The following CCDC77 variants were observed in gnomAD, a reference collection of about 807,000 sequenced individuals.
CCDC77 encodes the protein coiled-coil domain containing 77.
Under a neutral mutation model 66.8 loss-of-function variants are expected in CCDC77, and 56 were observed. That is an observed-to-expected ratio of 0.84 (90% CI 0.68 to 1.05). The LOEUF is 1.05. Among genes scored for constraint, CCDC77 ranks in the 50% least tolerant of loss-of-function variants. The pLI is 0.00. For synonymous variants in CCDC77, 196 were observed against 195.2 expected, an observed-to-expected ratio of 1.00 and a Z score of -0.03; for missense variants, 570 against 576.8, an observed-to-expected ratio of 0.99 and a Z score of 0.12.
chr12:438,949 G>A (rs111859774), intron 10 of CCDC77, among the ~76,000 whole-genome samples: 1 of 151,776 alleles, frequency 6.6e-6, no homozygotes, highest in East Asian at 1.9e-4. Context: ...ATGATGGTGG[G>A]TGCCTGTAAT....
chr12:426,469 CT>C (rs1022960306), intron 5 of CCDC77, among the ~76,000 whole-genome samples: 1 of 152,166 alleles, frequency 6.6e-6, no homozygotes, highest in African/African-American at 2.4e-5. Context: ...TGAAATGAGG[CT>C]TTCATAAGGA....
Position 441,993 on chromosome 12 carries a change from G to A in CCDC77, c.*73G>A. 1 of 1,518,370 alleles carries A rather than the reference G, an allele frequency of 6.6e-7. No individual in the cohort carries two copies. The highest frequency in any genetic ancestry group is 9.1e-7 in the Non-Finnish European group (1 of 1,102,078). 94.1% of individuals were successfully genotyped at this position (1,518,370 alleles called of 1,614,324 possible). On this transcript the variant is annotated 3_prime_UTR_variant, in exon 13 of 13. Coordinates refer to ENST00000239830, the MANE Select transcript of CCDC77 (RefSeq NM_032358.4). ...AAACCTGAGGACAAGGTCATCTGCT[G>A]CCAGAAAATGTAAACCTGAGTTGAC...
At chr12:429,340 A>G (rs1404960683) in intron 6 of CCDC77, among the ~76,000 whole-genome samples, 1 of 152,124 alleles carries the variant, frequency 6.6e-6, no homozygotes, top group Non-Finnish European at 1.5e-5. Context: ...ATTCCTATAG[A>G]AATAGTTATG....
upstream of CCDC77, among the ~76,000 whole-genome samples, chr12:397,179 C>A (rs1944839092): frequency 6.6e-6 from 1 of 152,106 alleles, no homozygotes; most frequent in Non-Finnish European, 1.5e-5. Context: ...CAAGACCAGC[C>A]TGGACAAAAA....
chr12:427,017 C>T (rs536324188), intron 5 of CCDC77, among the ~76,000 whole-genome samples: 32 of 152,154 alleles, frequency 2.1e-4, no homozygotes, highest in African/African-American at 3.9e-4. Context: ...GTGGCTGAGG[C>T]GGGCAGATCA....
rs973275456 is a variant in CCDC77, at chr12:415,302, C to T, written c.271-3192C>T. Among the ~76,000 whole-genome samples the T allele has an allele frequency of 9.5e-5, 12 of 125,954 alleles. 1 individual carries two copies. Among genetic ancestry groups the T allele is most frequent in the Non-Finnish European group, 1.8e-4 (11 of 61,160 alleles). 82.6% of individuals were successfully genotyped at this position (125,954 alleles called of 152,430 possible). Reference sequence around the variant, plus strand: ...CATAATATTATGTTAATATAATCAACATAATATTATGTTAATATAATCAAC... The same window carrying T: ...CATAATATTATGTTAATATAATCAATATAATATTATGTTAATATAATCAAC... On this transcript the variant is annotated intron_variant, in intron 4 of 12. Transcript: ENST00000239830.
chr12:415,389 TTAATATAATCAACATAATATGTTGA>T (rs1253679667), intron 4 of CCDC77, among the ~76,000 whole-genome samples: 8 of 91,712 alleles, frequency 8.7e-5, no homozygotes, highest in South Asian at 8.4e-4. Flanking sequence ...TAATATTATG[TTAATATAATCAACATAATATGTTGA>T]TATTATTAAC....
Position 438,474 on chromosome 12 carries a change from T to C in CCDC77, c.961T>C (p.Cys321Arg). The change falls in exon 10 of 13, where the codon TGT becomes CGT. Residue 321 changes from cysteine (C) to arginine (R), a missense_variant. Coordinates refer to ENST00000239830, the MANE Select transcript of CCDC77 (RefSeq NM_032358.4). ...MSKIKQYRVQ[C>R]KKKEDKIGKV... ...AAAGATTAAGCAATATAGGGTGCAG[T>C]GTAAGAAGAAAGAAGATAAAATTGG... The C allele has an allele frequency of 1.9e-6, 3 of 1,613,946 alleles. No individual in the cohort carries two copies. The highest frequency in any genetic ancestry group is 2.5e-6 in the Non-Finnish European group (3 of 1,179,910).
intron 5 of CCDC77, 97 bp from the exon 6 acceptor site, chr12:428,672 T>C (rs1270200970): frequency 4.5e-6 from 3 of 668,984 alleles, no homozygotes; most frequent in Non-Finnish European, 4.6e-6. Context: ...GTTACAATTG[T>C]TTTAAAAAAA....
intron 3 of CCDC77, among the ~76,000 whole-genome samples, chr12:410,619 G>A (rs1028553519): frequency 6.8e-6 from 1 of 146,394 alleles, no homozygotes; most frequent in African/African-American, 2.5e-5. Context: ...GCGTGATCTC[G>A]GCACTTGAAC....
Position 411,901 on chromosome 12 carries a change from A to T in CCDC77, c.193A>T (p.Lys65Ter), listed in dbSNP as rs1476412226. The change falls in exon 4 of 13, where the codon AAG becomes TAG. Residue 65 changes from lysine to a stop codon, truncating the protein, a stop_gained. Transcript: ENST00000239830. LOFTEE classifies it high-confidence loss of function. Reference sequence around the variant, plus strand: ...GGAGCTCCTGGAATATTATCAAAAGAAGATGGCTGAGTGTGAGGCAGAAAA... The same window carrying T: ...GGAGCTCCTGGAATATTATCAAAAGTAGATGGCTGAGTGTGAGGCAGAAAA... ...SKELLEYYQK[K>*]MAECEAENED... 4 of 1,614,078 alleles carry T rather than the reference A, an allele frequency of 2.5e-6. No homozygotes were observed. The highest frequency in any genetic ancestry group is 3.4e-6 in the Non-Finnish European group (4 of 1,180,032).
intron 2 of CCDC77, among the ~76,000 whole-genome samples, chr12:407,847 G>A (rs1404982115): frequency 7.6e-6 from 1 of 131,188 alleles, no homozygotes; most frequent in Non-Finnish European, 1.5e-5. Context: ...GAGTGCAATG[G>A]CGCAATCTCG....
At chr12:423,875 A>C (rs1421716468) in intron 5 of CCDC77, among the ~76,000 whole-genome samples, 1 of 152,140 alleles carries the variant, frequency 6.6e-6, no homozygotes, top group African/African-American at 2.4e-5. Flanking sequence ...GCATTTTTAA[A>C]TGTTGAGCAT....
chr12:434,152 G>T (rs1360240744), intron 9 of CCDC77, among the ~76,000 whole-genome samples: 2 of 150,782 alleles, frequency 1.3e-5, no homozygotes, highest in Non-Finnish European at 2.9e-5. Context: ...TTCCTATAAT[G>T]CACATACTTT....
intron 4 of CCDC77, among the ~76,000 whole-genome samples, chr12:416,325 G>A (rs1242871950): frequency 1.1e-5 from 1 of 87,894 alleles, no homozygotes; most frequent in Non-Finnish European, 2.3e-5. Flanking sequence ...GTGTGTGTGT[G>A]AGTCTGTGGG....
chr12:394,789 G>T (rs535084630), intron 1 of CCDC77, among the ~76,000 whole-genome samples: 1 of 152,148 alleles, frequency 6.6e-6, no homozygotes, highest in South Asian at 2.1e-4. Flanking sequence ...GCAATCTAAT[G>T]GGGGGAGGCA....
intron 7 of CCDC77, among the ~76,000 whole-genome samples, chr12:431,212 C>CTTTTTTTT (rs61068771): frequency 4.3e-5 from 5 of 115,774 alleles, no homozygotes; most frequent in East Asian, 2.2e-4. Context: ...TTGCTCAGTT[C>CTTTTTTTT]TTTTTTTTTT....
At chr12:415,455 CAT>C (rs200621213) in intron 4 of CCDC77, among the ~76,000 whole-genome samples, 6,932 of 136,920 alleles carry the variant, frequency 0.051, 466 homozygotes, top group Non-Finnish European at 0.082. Context: ...TTAATATTAA[CAT>C]AATTATTAAC....
chr12:427,773 C>T (rs937057788), intron 5 of CCDC77, among the ~76,000 whole-genome samples: 6 of 152,010 alleles, frequency 3.9e-5, no homozygotes, highest in African/African-American at 1.2e-4. Context: ...ACACCCGGCC[C>T]GAAATCCCTT....
Sources: allele counts gnomAD v4.1 joint callset (sites outside exome capture counted in the v4.1 genomes callset), GRCh38; gene constraint gnomAD v4.1.1; transcripts MANE v1.5; gene names NCBI Gene and HGNC (gene_info 2026-07-23, HGNC 2026-07-21).